GABRA3: variants seen among roughly 807,000 people sequenced by gnomAD.
The protein encoded by GABRA3 is gamma-aminobutyric acid receptor subunit alpha-3.
Under a neutral mutation model 30.1 loss-of-function variants are expected in GABRA3, and 10 were observed. The ratio of observed to expected loss-of-function variants is 0.33; its 90% CI spans 0.20 to 0.56. The LOEUF is 0.56. Among genes scored for constraint, GABRA3 ranks in the 20% least tolerant of loss-of-function variants. GABRA3 has a pLI of 0.89. For missense variants in GABRA3, 233 were observed against 392.0 expected, an observed-to-expected ratio of 0.59 and a Z score of 3.42; for synonymous variants, 151 against 146.8, an observed-to-expected ratio of 1.03 and a Z score of -0.21.
intron 1 of GABRA3, among the ~76,000 whole-genome samples, chrX:152,370,083 A>G (rs1406562854): frequency 4.5e-5 from 5 of 112,015 alleles, no homozygotes; most frequent in East Asian, 2.8e-4. Context: ...ATTATATAAG[A>G]TAACAAACGT....
intron 9 of GABRA3, among the ~76,000 whole-genome samples, chrX:152,180,196 A>C (rs1336408031): frequency 8.9e-6 from 1 of 112,024 alleles, no homozygotes; most frequent in Non-Finnish European, 1.9e-5. Flanking sequence ...TTTTCTCCAA[A>C]TCCTCACCAA....
intron 3 of GABRA3, among the ~76,000 whole-genome samples, chrX:152,295,145 C>T (rs1014100329): frequency 8.9e-6 from 1 of 112,432 alleles, no homozygotes; most frequent in Non-Finnish European, 1.9e-5. Context: ...TTAGGCTACA[C>T]GGGGGTCTGG....
At chrX:152,171,593 T>G (rs1937002744) in intron 9 of GABRA3, among the ~76,000 whole-genome samples, 1 of 111,602 alleles carries the variant, frequency 9.0e-6, no homozygotes, top group African/African-American at 3.3e-5. Context: ...GTCATAATAT[T>G]CCTACCCCCT....
chrX:152,198,070 C>G (rs1051178753), intron 7 of GABRA3, among the ~76,000 whole-genome samples: 7 of 112,053 alleles, frequency 6.2e-5, no homozygotes, highest in South Asian at 3.7e-4. Flanking sequence ...AAATAAAAAT[C>G]TCTTCTACAG....
At chrX:152,346,661 C>G in intron 2 of GABRA3, among the ~76,000 whole-genome samples, 1 of 111,802 alleles carries the variant, frequency 8.9e-6, no homozygotes, top group Non-Finnish European at 1.9e-5. Context: ...TATAATAATC[C>G]AATTAAAAAT....
chrX:152,430,632 C>T (rs918033016), intron 1 of GABRA3, among the ~76,000 whole-genome samples: 5 of 111,334 alleles, frequency 4.5e-5, no homozygotes, highest in African/African-American at 1.6e-4. Context: ...GAACTAGGGA[C>T]TGATCACAGT....
intron 5 of GABRA3, among the ~76,000 whole-genome samples, chrX:152,248,286 T>C (rs1938493075): frequency 9.0e-6 from 1 of 111,391 alleles, no homozygotes; most frequent in South Asian, 3.7e-4. Flanking sequence ...ATGTTTCTTT[T>C]CCCACCATGT....
chrX:152,389,893 T>A (rs1929430162), intron 1 of GABRA3, among the ~76,000 whole-genome samples: 1 of 109,862 alleles, frequency 9.1e-6, no homozygotes. Context: ...TTTTTATATA[T>A]GGTACATGGA....
At chrX:152,402,439 G>GT (rs1394947135) in intron 1 of GABRA3, among the ~76,000 whole-genome samples, 1 of 111,796 alleles carries the variant, frequency 8.9e-6, no homozygotes, top group Non-Finnish European at 1.9e-5. Flanking sequence ...TAAATTAGCC[G>GT]TAAGTTTTGG....
At chrX:152,218,444 G>A (rs1029531926) in intron 6 of GABRA3, among the ~76,000 whole-genome samples, 1 of 110,730 alleles carries the variant, frequency 9.0e-6, no homozygotes, top group East Asian at 2.9e-4. Flanking sequence ...ATGTTGTTTG[G>A]TGGAACGCTC....
chrX:152,221,747 C>T (rs1375110019), intron 6 of GABRA3, among the ~76,000 whole-genome samples: 1 of 111,707 alleles, frequency 9.0e-6, no homozygotes, highest in Admixed American at 9.5e-5. Flanking sequence ...TTCAGGGGTA[C>T]ATATGCAGGA....
chrX:152,285,277 G>A (rs1004831113), intron 3 of GABRA3, among the ~76,000 whole-genome samples: 1 of 112,281 alleles, frequency 8.9e-6, no homozygotes, highest in African/African-American at 3.2e-5. Flanking sequence ...AATTGAAAAA[G>A]TCTGGAATGA....
At chrX:152,222,100 T>G (rs2124379207) in intron 6 of GABRA3, among the ~76,000 whole-genome samples, 1 of 111,391 alleles carries the variant, frequency 9.0e-6, no homozygotes, top group South Asian at 3.8e-4. Context: ...ATGTACTATA[T>G]TTTCTTTATT....
chrX:152,370,290 C>T (rs1420221172), intron 1 of GABRA3, among the ~76,000 whole-genome samples: 1 of 111,631 alleles, frequency 9.0e-6, no homozygotes, highest in Non-Finnish European at 1.9e-5. Context: ...TTACAAATGT[C>T]CCTGTTTGGA....
rs1936950489 is a variant in GABRA3, at chrX:152,167,425, A to AT, written c.*802dup. The AT allele has an allele frequency of 8.9e-6, 1 of 111,973 alleles. No homozygotes were observed. The highest frequency in any genetic ancestry group is 1.9e-5 in the Non-Finnish European group (1 of 53,207). 9.2% of individuals were successfully genotyped at this position (111,973 alleles called of 1,213,427 possible). On this transcript the variant is annotated 3_prime_UTR_variant, in exon 10 of 10. Coordinates refer to ENST00000370314, the MANE Select transcript of GABRA3 (RefSeq NM_000808.4). ...CGATATAAATAAAAAATGCTTGATC[A>AT]TTTTTTCCTGAAAAGTTTACAGGTG...
rs1232783560 is a variant in GABRA3, at chrX:152,435,159, A to C, written c.-27+15987T>G. Among the ~76,000 whole-genome samples, 4 of 112,375 alleles carry C rather than the reference A, an allele frequency of 3.6e-5. 1 individual carries two copies. The highest frequency in any genetic ancestry group is 1.9e-4 in the Admixed American group (2 of 10,598). ...CAGCATACTCATCTGTGTAGAAATTAGTTCAGCCACTGTGGAAGACAGAGT... is the reference window on the plus strand; with the variant it reads ...CAGCATACTCATCTGTGTAGAAATTCGTTCAGCCACTGTGGAAGACAGAGT... On this transcript the variant is annotated intron_variant, in intron 1 of 9. Transcript: ENST00000370314.
At chrX:152,415,111 C>T (rs768412063) in intron 1 of GABRA3, among the ~76,000 whole-genome samples, 1 of 110,962 alleles carries the variant, frequency 9.0e-6, no homozygotes, top group Non-Finnish European at 1.9e-5. Context: ...TTTGTCAAAA[C>T]CCACAGAACT....
intron 6 of GABRA3, among the ~76,000 whole-genome samples, chrX:152,213,366 C>A (rs1026188788): frequency 1.1e-3 from 121 of 111,444 alleles, no homozygotes; most frequent in African/African-American, 3.8e-3. Context: ...TGAGAAAAGA[C>A]TGACAATAAA....
chrX:152,240,733 A>G (rs1314463717), intron 5 of GABRA3, among the ~76,000 whole-genome samples: 1 of 99,380 alleles, frequency 1.0e-5, no homozygotes, highest in Non-Finnish European at 2.0e-5. Context: ...TTCTCGCTTC[A>G]TTTCATTCAT....
Sources: gnomAD v4.1 joint callset for allele counts (sites outside exome capture counted in the v4.1 genomes callset) on GRCh38, gnomAD v4.1.1 for gene constraint, MANE v1.5 for transcripts, NCBI Gene and HGNC (gene_info 2026-07-23, HGNC 2026-07-21) for gene names.